TSPAN14: variants seen among roughly 807,000 people sequenced by gnomAD.
The protein encoded by TSPAN14 is tetraspanin-14.
In TSPAN14, 16 loss-of-function variants were observed where a neutral mutation model predicts 36.6. The ratio of observed to expected loss-of-function variants is 0.44; its 90% CI spans 0.30 to 0.66. TSPAN14 has a LOEUF of 0.66. Ranked by LOEUF, TSPAN14 falls within the 30% of genes least tolerant of loss-of-function variation. The probability of loss-of-function intolerance (pLI) is 0.12; values close to 1 mark genes in which losing one functional copy is unlikely to be tolerated. For missense variants in TSPAN14, 231 were observed against 355.1 expected, an observed-to-expected ratio of 0.65 and a Z score of 2.81; for synonymous variants, 139 against 143.8, an observed-to-expected ratio of 0.97 and a Z score of 0.24.
At chr10:80,507,479 G>A in intron 4 of TSPAN14, 105 bp downstream of exon 4, 2 of 1,501,046 alleles carry the variant, frequency 1.3e-6, no homozygotes, top group African/African-American at 2.7e-5. Flanking sequence ...GCTCTTAGGA[G>A]CCTCCCCTAG....
intron 1 of TSPAN14, among the ~76,000 whole-genome samples, chr10:80,460,190 A>G (rs1219309560): frequency 6.6e-6 from 1 of 152,202 alleles, no homozygotes; most frequent in East Asian, 1.9e-4. Context: ...ACTTATAGCC[A>G]AGGAGCGGAG....
chr10:80,512,871 TTTGTTG>T (rs147443704), intron 6 of TSPAN14, among the ~76,000 whole-genome samples: 7,371 of 150,390 alleles, frequency 0.049, 647 homozygotes, highest in African/African-American at 0.17. Flanking sequence ...TTATTTTCTG[TTTGTTG>T]TTGTTGTTGT....
intron 6 of TSPAN14, 74 bp downstream of exon 6, chr10:80,512,343 G>A: frequency 6.4e-7 from 1 of 1,574,254 alleles, no homozygotes; most frequent in Non-Finnish European, 8.6e-7. Flanking sequence ...CTCCTCCAGT[G>A]CTCTAGGATA....
chr10:80,457,180 G>A (rs1845772332), intron 1 of TSPAN14, among the ~76,000 whole-genome samples: 1 of 152,028 alleles, frequency 6.6e-6, no homozygotes, highest in African/African-American at 2.4e-5. Flanking sequence ...AATATGAGCT[G>A]GGTTTTCTCA....
At chr10:80,457,714 G>A (rs1845795201) in intron 1 of TSPAN14, among the ~76,000 whole-genome samples, 1 of 152,200 alleles carries the variant, frequency 6.6e-6, no homozygotes, top group South Asian at 2.1e-4. Context: ...GTCTCCCTAA[G>A]GCCAGGGAAT....
At chr10:80,500,314 CTTTTTTTTTTTTTTTTTTTTT>C (rs144759161) in intron 2 of TSPAN14, among the ~76,000 whole-genome samples, 2 of 47,860 alleles carry the variant, frequency 4.2e-5, no homozygotes, top group South Asian at 1.2e-3. Context: ...AGGCCTTATT[CTTTTTTTTTTTTTTTTTTTTT>C]TTTTTTTTTT....
intron 5 of TSPAN14, among the ~76,000 whole-genome samples, chr10:80,511,508 G>A (rs868755942): frequency 2.3e-4 from 35 of 152,188 alleles, no homozygotes; most frequent in Middle Eastern, 6.8e-3. Flanking sequence ...GGAAGGAGGC[G>A]TCTCCTTTGA....
intron 1 of TSPAN14, among the ~76,000 whole-genome samples, chr10:80,473,392 G>C (rs1302104891): frequency 6.6e-6 from 1 of 152,212 alleles, no homozygotes; most frequent in Non-Finnish European, 1.5e-5. Flanking sequence ...GGTTTTTACA[G>C]GATGCCAGGC....
At chr10:80,482,569 TGAACCACTGTGCC>T (rs1454920821) in intron 1 of TSPAN14, among the ~76,000 whole-genome samples, 2 of 151,038 alleles carry the variant, frequency 1.3e-5, no homozygotes, top group African/African-American at 2.5e-5. Flanking sequence ...ATTATAGGCA[TGAACCACTGTGCC>T]CGGCCTCCAC....
intron 1 of TSPAN14, among the ~76,000 whole-genome samples, chr10:80,465,362 C>G (rs1246847536): frequency 2.0e-5 from 3 of 152,200 alleles, no homozygotes; most frequent in Admixed American, 6.5e-5. Flanking sequence ...CAGCCACCCC[C>G]GCTGCAGGAG....
intron 1 of TSPAN14, among the ~76,000 whole-genome samples, chr10:80,483,038 C>T (rs1847381881): frequency 6.6e-6 from 1 of 151,934 alleles, no homozygotes; most frequent in South Asian, 2.1e-4. Flanking sequence ...CCCAGCCAGC[C>T]AGTTCACTTT....
chr10:80,484,664 CTG>C (rs1847494214), intron 1 of TSPAN14, among the ~76,000 whole-genome samples: 1 of 152,188 alleles, frequency 6.6e-6, no homozygotes, highest in Admixed American at 6.5e-5. Context: ...CAGATATTTA[CTG>C]TGTCATAATT....
chr10:80,508,032 A>G (rs58727027), intron 4 of TSPAN14, among the ~76,000 whole-genome samples: 4,742 of 151,428 alleles, frequency 0.031, 238 homozygotes, highest in African/African-American at 0.11. Flanking sequence ...AAGAAAAGCT[A>G]TGTTTAGCAT....
At chr10:80,518,105 TGAC>T in exon 9 of TSPAN14, 5 of 958,392 alleles carry the variant, frequency 5.2e-6, no homozygotes, top group Non-Finnish European at 8.0e-6. Flanking sequence ...AGCATCAGCG[TGAC>T]GTGACCTCTC....
chr10:80,455,660 T>C (rs887392961), intron 1 of TSPAN14, among the ~76,000 whole-genome samples: 3 of 152,136 alleles, frequency 2.0e-5, no homozygotes, highest in African/African-American at 7.2e-5. Context: ...ACATTTCAGC[T>C]AGCCGAGTGG....
At chr10:80,517,451 T>G (rs1840996802) in intron 8 of TSPAN14, among the ~76,000 whole-genome samples, 1 of 152,218 alleles carries the variant, frequency 6.6e-6, no homozygotes, top group African/African-American at 2.4e-5. Context: ...TCTTCAGACA[T>G]TATTAGCACA....
Position 80,507,329 on chromosome 10 carries a change from C to T in TSPAN14, c.234C>T (p.Ala78=), listed in dbSNP as rs556653260. ...TGGTGATGTTCACCCTGGGGTTCGC[C>T]GGCTGCGTGGGGGCTCTGCGGGAGA... The change falls in exon 4 of 9, where the codon GCC becomes GCT. Residue 78 remains alanine (A), a synonymous_variant. Coordinates refer to ENST00000429989, the Ensembl canonical transcript of TSPAN14. 75 of 1,614,168 alleles carry T rather than the reference C, an allele frequency of 4.6e-5. No individual in the cohort carries two copies. The South Asian group carries it at 5.2e-4, about 11-fold the overall frequency.
At chr10:80,460,403 C>T (rs1454431718) in intron 1 of TSPAN14, among the ~76,000 whole-genome samples, 1 of 152,140 alleles carries the variant, frequency 6.6e-6, no homozygotes, top group Non-Finnish European at 1.5e-5. Flanking sequence ...AAACTAGGCT[C>T]TTAGAGAGAA....
chr10:80,456,373 C>T (rs1845735056), intron 1 of TSPAN14, among the ~76,000 whole-genome samples: 5 of 152,160 alleles, frequency 3.3e-5, no homozygotes, highest in Admixed American at 3.3e-4. Context: ...ACCAGCTGGG[C>T]AGCTGTGCTA....
Sources: allele counts gnomAD v4.1 joint callset (sites outside exome capture counted in the v4.1 genomes callset), GRCh38; gene constraint gnomAD v4.1.1; transcripts MANE v1.5; gene names NCBI Gene and HGNC (gene_info 2026-07-23, HGNC 2026-07-21).